Variants in ADAMTSL1 observed in about 807,000 individuals in gnomAD.
ADAMTSL1 encodes ADAMTS-like protein 1.
ADAMTSL1 carries 126 observed loss-of-function variants against 201.8 expected under a neutral mutation model. The observed-to-expected ratio is 0.62, with a 90% confidence interval of 0.54 to 0.72. The LOEUF (loss-of-function observed/expected upper bound fraction) is 0.72. Ranked by LOEUF, ADAMTSL1 falls within the 30% of genes least tolerant of loss-of-function variation. The pLI is 0.00. For missense variants in ADAMTSL1, 2,679 were observed against 2,277.8 expected, an observed-to-expected ratio of 1.18 and a Z score of -3.59; for synonymous variants, 1,121 against 903.4, an observed-to-expected ratio of 1.24 and a Z score of -4.32.
rs150185229 is a variant in ADAMTSL1, at chr9:18,430,124, A to G, written c.208-74705A>G. On this transcript the variant is annotated intron_variant, in intron 2 of 29. Transcript: ENST00000680146. ...AAGATTTTAAACAGGACTTCTTAAAATTTTATATACACAAAAACCACCTGG... is the reference window on the plus strand; with the variant it reads ...AAGATTTTAAACAGGACTTCTTAAAGTTTTATATACACAAAAACCACCTGG... Among the ~76,000 whole-genome samples the G allele has an allele frequency of 2.0e-3, 310 of 152,154 alleles. 2 individuals are homozygous for G. The highest frequency in any genetic ancestry group is 7.1e-3 in the African/African-American group (295 of 41,516).
intron 2 of ADAMTSL1, among the ~76,000 whole-genome samples, chr9:18,240,586 G>A (rs1004003436): frequency 8.5e-5 from 13 of 152,108 alleles, no homozygotes; most frequent in African/African-American, 3.1e-4. Flanking sequence ...TCGAAGCAAA[G>A]AACTGACTTC....
Position 18,613,779 on chromosome 9 carries a change from A to T in ADAMTSL1, c.475-8464A>T, listed in dbSNP as rs567109748. ...CAGGATCAGAAAAAAACTATTGGGT[A>T]CTAGGCTTAGTACCTGGGCAATGAA... On this transcript the variant is annotated intron_variant, in intron 4 of 28. Coordinates refer to ENST00000380548, the MANE Select transcript of ADAMTSL1 (RefSeq NM_001040272.6). Among the ~76,000 whole-genome samples, 8 of 152,278 alleles carry T rather than the reference A, an allele frequency of 5.3e-5. No individual in the cohort carries two copies. The East Asian group carries it at 1.5e-3, about 29-fold the overall frequency.
chr9:18,426,139 C>A (rs1819210374), intron 2 of ADAMTSL1, among the ~76,000 whole-genome samples: 1 of 151,960 alleles, frequency 6.6e-6, no homozygotes, highest in South Asian at 2.1e-4. Context: ...TCATATAGAT[C>A]AGATAAGGCA....
At chr9:18,284,570 C>T (rs1486937922) in intron 2 of ADAMTSL1, among the ~76,000 whole-genome samples, 1 of 152,174 alleles carries the variant, frequency 6.6e-6, no homozygotes, top group East Asian at 1.9e-4. Flanking sequence ...TAGAAAGTAG[C>T]AGCACCAGGT....
intron 15 of ADAMTSL1, among the ~76,000 whole-genome samples, chr9:18,741,066 G>T (rs867691660): frequency 6.6e-6 from 1 of 152,072 alleles, no homozygotes; most frequent in Non-Finnish European, 1.5e-5. Flanking sequence ...TAGGGTAGAG[G>T]TCTGACTCAT....
intron 1 of ADAMTSL1, among the ~76,000 whole-genome samples, chr9:18,135,505 A>G (rs1471707421): frequency 6.6e-6 from 1 of 152,122 alleles, no homozygotes; most frequent in African/African-American, 2.4e-5. Flanking sequence ...CACATCAGAA[A>G]TGTAGGACTG....
chr9:17,969,155 A>C (rs1273542671), intron 1 of ADAMTSL1, among the ~76,000 whole-genome samples: 4 of 152,064 alleles, frequency 2.6e-5, no homozygotes, highest in Admixed American at 1.3e-4. Flanking sequence ...CACTAACTGC[A>C]TAAAAATCAA....
At chr9:18,789,298 C>G (rs1255964402) in intron 19 of ADAMTSL1, among the ~76,000 whole-genome samples, 1 of 152,158 alleles carries the variant, frequency 6.6e-6, no homozygotes, top group African/African-American at 2.4e-5. Context: ...TTATACAGAA[C>G]TCTCACAACA....
At chr9:18,876,329 T>TGTGTGTGTGTGTGTGTGTGTGTGC (rs901063156) in intron 23 of ADAMTSL1, among the ~76,000 whole-genome samples, 2 of 151,246 alleles carry the variant, frequency 1.3e-5, no homozygotes, top group East Asian at 1.9e-4. Context: ...TGTGTGTGTG[T>TGTGTGTGTGTGTGTGTGTGTGTGC]GCGTGATTGT....
intron 1 of ADAMTSL1, among the ~76,000 whole-genome samples, chr9:18,013,813 G>T (rs371053481): frequency 1.3e-5 from 2 of 152,110 alleles, no homozygotes. Context: ...ATTTCTAGGG[G>T]GGGAGCTTCT....
chr9:18,730,960 T>TA (rs1263302520), intron 15 of ADAMTSL1, among the ~76,000 whole-genome samples: 2 of 152,252 alleles, frequency 1.3e-5, no homozygotes, highest in East Asian at 3.8e-4. Context: ...GCTTGACACT[T>TA]ACTCCACTAT....
intron 1 of ADAMTSL1, among the ~76,000 whole-genome samples, chr9:18,041,082 C>T (rs1349214446): frequency 6.6e-6 from 1 of 152,132 alleles, no homozygotes; most frequent in African/African-American, 2.4e-5. Flanking sequence ...AAACCAAAGA[C>T]ACAAATCTGC....
At chr9:17,959,575 C>T (rs1817650436) in intron 1 of ADAMTSL1, among the ~76,000 whole-genome samples, 1 of 152,122 alleles carries the variant, frequency 6.6e-6, no homozygotes, top group Admixed American at 6.6e-5. Flanking sequence ...TCTCCTGCCT[C>T]AGCCTCCCAA....
chr9:18,762,684 C>T (rs1001963669), intron 16 of ADAMTSL1, among the ~76,000 whole-genome samples: 5 of 152,036 alleles, frequency 3.3e-5, no homozygotes, highest in Admixed American at 1.3e-4. Flanking sequence ...ATCCTTCTTC[C>T]GCTCTCTATG....
chr9:18,000,210 C>T (rs943806680), intron 1 of ADAMTSL1, among the ~76,000 whole-genome samples: 2 of 151,332 alleles, frequency 1.3e-5, no homozygotes, highest in Non-Finnish European at 1.5e-5. Flanking sequence ...AACTAGTTTA[C>T]AGTCCCACCA....
intron 1 of ADAMTSL1, among the ~76,000 whole-genome samples, chr9:17,944,007 C>G (rs1217530052): frequency 6.6e-6 from 1 of 151,792 alleles, no homozygotes; most frequent in Non-Finnish European, 1.5e-5. Context: ...TTCACTATCA[C>G]AAAGACAGCA....
intron 7 of ADAMTSL1, among the ~76,000 whole-genome samples, chr9:18,647,501 C>T (rs1241785345): frequency 2.0e-5 from 3 of 152,062 alleles, no homozygotes; most frequent in Non-Finnish European, 2.9e-5. Flanking sequence ...TTGGATCTTT[C>T]CTACTTTCTC....
chr9:18,645,417 C>G (rs2132854703), intron 7 of ADAMTSL1, among the ~76,000 whole-genome samples: 1 of 152,024 alleles, frequency 6.6e-6, no homozygotes, highest in South Asian at 2.1e-4. Context: ...TCAGTTTTGG[C>G]TTTTGTTGCC....
intron 2 of ADAMTSL1, among the ~76,000 whole-genome samples, chr9:18,206,742 C>G (rs1168012569): frequency 6.6e-6 from 1 of 152,122 alleles, no homozygotes; most frequent in African/African-American, 2.4e-5. Context: ...GTCATAATTA[C>G]TTATTTTGCG....
Sources: allele counts gnomAD v4.1 joint callset (sites outside exome capture counted in the v4.1 genomes callset), GRCh38; gene constraint gnomAD v4.1.1; transcripts MANE v1.5; gene names NCBI Gene and HGNC (gene_info 2026-07-23, HGNC 2026-07-21).